Variants in ITGA2 observed in about 807,000 individuals in gnomAD.
ITGA2 encodes integrin alpha-2.
Under a neutral mutation model 146.3 loss-of-function variants are expected in ITGA2, and 101 were observed. The ratio of observed to expected loss-of-function variants is 0.69; its 90% confidence interval spans 0.59 to 0.81. The LOEUF (loss-of-function observed/expected upper bound fraction) is 0.81. ITGA2 is among the 40% of genes least tolerant of loss of function. The probability of loss-of-function intolerance (pLI) is 0.00; values close to 1 mark genes in which losing one functional copy is unlikely to be tolerated. For missense variants in ITGA2, 1,281 were observed against 1,402.7 expected, an observed-to-expected ratio of 0.91 and a Z score of 1.39; for synonymous variants, 477 against 487.1, an observed-to-expected ratio of 0.98 and a Z score of 0.27.
intron 1 of ITGA2, among the ~76,000 whole-genome samples, chr5:53,014,666 A>T (rs1420521569): frequency 1.3e-5 from 2 of 152,172 alleles, no homozygotes; most frequent in East Asian, 3.9e-4. Context: ...TAATTTTAGT[A>T]GGAATGGTAC....
At chr5:53,045,242 T>C in intron 4 of ITGA2, 150 bp downstream of exon 4, 1 of 684,962 alleles carries the variant, frequency 1.5e-6, no homozygotes, top group South Asian at 1.7e-5. Context: ...CAATGTTGAA[T>C]ATTCAAAATA....
At chr5:53,053,215 G>A (rs1744467745) in intron 7 of ITGA2, among the ~76,000 whole-genome samples, 1 of 152,080 alleles carries the variant, frequency 6.6e-6, no homozygotes, top group African/African-American at 2.4e-5. Flanking sequence ...TTCTGTGTGT[G>A]TATTTCAGTT....
chr5:53,083,975 C>T (rs749446959), intron 27 of ITGA2, among the ~76,000 whole-genome samples: 46 of 152,322 alleles, frequency 3.0e-4, no homozygotes, highest in Admixed American at 5.2e-4. Flanking sequence ...TTACCCTTTT[C>T]CTGTTGGGAG....
rs765745378 is a variant in ITGA2, at chr5:53,042,190, C to A, written c.264C>A (p.Ser88=). 2 of 1,612,698 alleles carry A rather than the reference C, an allele frequency of 1.2e-6. No homozygotes were observed. Among genetic ancestry groups the A allele is most frequent in the Admixed American group, 1.7e-5 (1 of 59,996 alleles). ...GDVYKCPVDL[S]TATCEKLNLQ... ...TGTATAAATGTCCTGTTGACCTATC[C>A]ACTGCCACATGTGAAAAACTAAATT... is the stretch of plus-strand genomic sequence containing the variant. The change falls in exon 3 of 30, where the codon TCC becomes TCA. Residue 88 remains serine, a synonymous_variant. Transcript: ENST00000296585.
intron 23 of ITGA2, among the ~76,000 whole-genome samples, chr5:53,076,160 C>T (rs1224323248): frequency 6.6e-5 from 10 of 152,002 alleles, no homozygotes; most frequent in Non-Finnish European, 1.3e-4. Flanking sequence ...GTGATGCCCT[C>T]CTACAGGCCT....
intron 1 of ITGA2, among the ~76,000 whole-genome samples, chr5:52,994,607 G>C (rs1466922737): frequency 6.6e-6 from 1 of 152,186 alleles, no homozygotes; most frequent in African/African-American, 2.4e-5. Flanking sequence ...ATGTCAACTA[G>C]CTTAAGGATA....
chr5:53,009,566 A>G (rs1395059365), intron 1 of ITGA2, among the ~76,000 whole-genome samples: 1 of 152,106 alleles, frequency 6.6e-6, no homozygotes, highest in African/African-American at 2.4e-5. Flanking sequence ...GCCTGTTTTT[A>G]CCTGCTAGAT....
intron 27 of ITGA2, 137 bp downstream of exon 27, chr5:53,083,590 T>C: frequency 1.4e-6 from 1 of 702,276 alleles, no homozygotes; most frequent in East Asian, 2.7e-5. Context: ...CATTTTACCC[T>C]GAAAGGCAGC....
At chr5:53,052,640 C>T (rs533524490) in intron 7 of ITGA2, among the ~76,000 whole-genome samples, 59 of 152,070 alleles carry the variant, frequency 3.9e-4, no homozygotes, top group African/African-American at 1.3e-3. Context: ...CATCCCCCAA[C>T]CCTGTGGTCC....
chr5:53,082,743 AT>A (rs1184370145), intron 26 of ITGA2, among the ~76,000 whole-genome samples: 1 of 152,176 alleles, frequency 6.6e-6, no homozygotes, highest in Non-Finnish European at 1.5e-5. Flanking sequence ...ACGCTGTGGA[AT>A]TTGACAAATG....
rs973528973 is a variant in ITGA2 at position 53,091,422 on chromosome 5, T to C, written c.*823T>C. 6.6e-6 allele frequency: 1 copy of C among 152,172 alleles called. No individual in the cohort carries two copies. Among genetic ancestry groups the C allele is most frequent in the African/African-American group, 2.4e-5 (1 of 41,434 alleles). 9.4% of individuals were successfully genotyped at this position (152,172 alleles called of 1,614,324 possible). A position where few individuals can be genotyped will look rare whatever the true frequency, so the allele number is the denominator to read the frequency against. ...AGGAAGGAAAAGGAGGAAATTTCCT[T>C]TCTCTTTTAGGAGGCACAACAGTTC... On this transcript the variant is annotated 3_prime_UTR_variant, in exon 30 of 30. Transcript: ENST00000296585.
chr5:53,077,382 T>TA (rs3212599), intron 23 of ITGA2, among the ~76,000 whole-genome samples: 10,751 of 151,836 alleles, frequency 0.071, 423 homozygotes, highest in Non-Finnish European at 0.082. Context: ...AGTTATATTG[T>TA]AAAAAAAATG....
intron 23 of ITGA2, among the ~76,000 whole-genome samples, chr5:53,076,136 T>C (rs746204314): frequency 1.3e-5 from 2 of 152,028 alleles, no homozygotes; most frequent in Non-Finnish European, 2.9e-5. Flanking sequence ...GTTGTGCAGA[T>C]GCACTGGGCA....
At chr5:53,003,859 T>A (rs1440126288) in intron 1 of ITGA2, among the ~76,000 whole-genome samples, 2 of 152,134 alleles carry the variant, frequency 1.3e-5, no homozygotes, top group Non-Finnish European at 2.9e-5. Context: ...TTGCCCAGGC[T>A]GGTCTTGAAC....
At position 53,026,750 on chromosome 5, in the gene ITGA2, A is replaced by AT; in HGVS notation, c.71dup (p.Leu24PhefsTer23). The AT allele has an allele frequency of 1.2e-6, 2 of 1,608,830 alleles. No homozygotes were observed. Among genetic ancestry groups the AT allele is most frequent in the Non-Finnish European group, 1.7e-6 (2 of 1,175,306 alleles). On this transcript the variant is annotated frameshift_variant, in exon 2 of 30. Transcript: ENST00000296585. LOFTEE classifies it high-confidence loss of function. ...CTATTTCATATTTTTCTTAATAGGC[A>AT]TTTTAAATTGTTGTTTGGCCTACAA...
chr5:53,063,651 T>C (rs1427581147), intron 13 of ITGA2, among the ~76,000 whole-genome samples: 1 of 151,924 alleles, frequency 6.6e-6, no homozygotes, highest in Non-Finnish European at 1.5e-5. Flanking sequence ...GATGTTAAAA[T>C]AGTAAATACT....
At chr5:53,088,688 A>AC (rs1382180244) in intron 28 of ITGA2, among the ~76,000 whole-genome samples, 1 of 149,838 alleles carries the variant, frequency 6.7e-6, no homozygotes, top group Non-Finnish European at 1.5e-5. Flanking sequence ...TCTGTCTCAA[A>AC]AAAAAAAAAA....
Position 53,092,900 on chromosome 5 carries a change from G to A in ITGA2, c.*2301G>A, listed in dbSNP as rs1357503663. The A allele has an allele frequency of 6.6e-6, 1 of 152,208 alleles. No homozygotes were observed. Among genetic ancestry groups the A allele is most frequent in the Non-Finnish European group, 1.5e-5 (1 of 68,088 alleles). 9.4% of individuals were successfully genotyped at this position (152,208 alleles called of 1,614,324 possible). ...TGAGGCCGGTGGATCACGAGGTCAG[G>A]AGTTTGAGACTAGCCTGGCCAACAT... On this transcript the variant is annotated 3_prime_UTR_variant, in exon 30 of 30. Coordinates refer to ENST00000296585, the MANE Select transcript of ITGA2 (RefSeq NM_002203.4).
chr5:53,000,081 A>G (rs898611771), intron 1 of ITGA2, among the ~76,000 whole-genome samples: 1 of 152,186 alleles, frequency 6.6e-6, no homozygotes, highest in African/African-American at 2.4e-5. Context: ...GTATACACAC[A>G]CACAATTATA....
Sources: gnomAD v4.1 joint callset for allele counts (sites outside exome capture counted in the v4.1 genomes callset) on GRCh38, gnomAD v4.1.1 for gene constraint, MANE v1.5 for transcripts, NCBI Gene and HGNC (gene_info 2026-07-23, HGNC 2026-07-21) for gene names.